Variants in RAD9B observed in about 807,000 individuals in gnomAD.
RAD9B encodes the protein RAD9 checkpoint clamp component B.
A neutral mutation model predicts 48.3 loss-of-function variants in RAD9B; 41 were observed. The ratio of observed to expected loss-of-function variants is 0.85; its 90% CI spans 0.66 to 1.10. The LOEUF (loss-of-function observed/expected upper bound fraction) is 1.10. Ranked by LOEUF, RAD9B falls within the 50% of genes least tolerant of loss-of-function variation. The pLI is 0.00. For missense variants in RAD9B, 444 were observed against 485.1 expected, an observed-to-expected ratio of 0.92 and a Z score of 0.80; for synonymous variants, 160 against 157.9, an observed-to-expected ratio of 1.01 and a Z score of -0.10.
intron 6 of RAD9B, among the ~76,000 whole-genome samples, chr12:110,518,300 C>T (rs2063672076): frequency 6.6e-6 from 1 of 150,910 alleles, no homozygotes; most frequent in African/African-American, 2.4e-5. Context: ...GAGGTCAAGG[C>T]TGCAGTGAGC....
intron 10 of RAD9B, among the ~76,000 whole-genome samples, chr12:110,526,714 C>T (rs2063949039): frequency 6.6e-6 from 1 of 151,910 alleles, no homozygotes. Context: ...TCAAGACCAT[C>T]CTAGCTAACA....
intron 10 of RAD9B, among the ~76,000 whole-genome samples, chr12:110,524,087 A>G (rs1468583678): frequency 6.6e-6 from 1 of 152,200 alleles, no homozygotes; most frequent in Non-Finnish European, 1.5e-5. Flanking sequence ...CCCTGGCTCT[A>G]GAGTTCAAAT....
chr12:110,514,328 A>G (rs2135690321), intron 5 of RAD9B, among the ~76,000 whole-genome samples: 1 of 152,308 alleles, frequency 6.6e-6, no homozygotes, highest in East Asian at 1.9e-4. Context: ...AGAATTTATA[A>G]TACAATAATA....
chr12:110,526,475 A>G (rs1374270689), intron 10 of RAD9B, among the ~76,000 whole-genome samples: 1 of 152,240 alleles, frequency 6.6e-6, no homozygotes, highest in Admixed American at 6.5e-5. Context: ...TTCAAGTCTC[A>G]TATAGCACCA....
At chr12:110,527,622 G>A (rs1223924341) in intron 10 of RAD9B, among the ~76,000 whole-genome samples, 2 of 152,188 alleles carry the variant, frequency 1.3e-5, no homozygotes, top group African/African-American at 2.4e-5. Flanking sequence ...ACAGCCATGC[G>A]AGGGATACTA....
At chr12:110,523,083 A>G (rs546417457) in intron 10 of RAD9B, among the ~76,000 whole-genome samples, 2 of 152,326 alleles carry the variant, frequency 1.3e-5, no homozygotes, top group South Asian at 4.1e-4. Context: ...GTTTGGAGAT[A>G]TGAGTTTCTT....
intron 4 of RAD9B, among the ~76,000 whole-genome samples, chr12:110,507,186 A>T (rs2135658596): frequency 6.6e-6 from 1 of 151,872 alleles, no homozygotes; most frequent in South Asian, 2.1e-4. Flanking sequence ...CTTACCTGTC[A>T]CTGTAGAAGT....
intron 4 of RAD9B, chr12:110,511,516 C>G: frequency 2.2e-6 from 1 of 450,038 alleles, no homozygotes; most frequent in Non-Finnish European, 4.5e-6. Context: ...AATGTGGACG[C>G]TAAAAAGTTG....
rs536334143 is a variant in RAD9B, at chr12:110,503,652, G to A, written c.47-154G>A. On this transcript the variant is annotated intron_variant, in intron 1 of 10. Coordinates refer to ENST00000409300, the MANE Select transcript of RAD9B (RefSeq NM_001286535.2). Reference sequence around the variant, plus strand: ...CTATGTGTCTGGCATTTTGCCAAGGGTATTATACTGTATTAAAGTAATGTA... The same window carrying A: ...CTATGTGTCTGGCATTTTGCCAAGGATATTATACTGTATTAAAGTAATGTA... Among the ~76,000 whole-genome samples, 3 of 152,280 alleles carry A rather than the reference G, an allele frequency of 2.0e-5. No individual in the cohort carries two copies. In the East Asian group the frequency reaches 5.8e-4, roughly 29 times the overall value.
intron 2 of RAD9B, among the ~76,000 whole-genome samples, chr12:110,504,655 A>G (rs1362142767): frequency 6.6e-6 from 1 of 151,988 alleles, no homozygotes; most frequent in Non-Finnish European, 1.5e-5. Context: ...ACTCCCTTAT[A>G]TATTGCAACT....
intron 2 of RAD9B, 149 bp downstream of exon 2, chr12:110,504,025 A>G: frequency 1.9e-6 from 1 of 531,478 alleles, no homozygotes; most frequent in Non-Finnish European, 3.3e-6. Context: ...ATACACTTAG[A>G]GCATGGTAAA....
intron 4 of RAD9B, among the ~76,000 whole-genome samples, chr12:110,512,386 C>T (rs951732811): frequency 6.8e-5 from 10 of 146,710 alleles, no homozygotes; most frequent in East Asian, 2.1e-4. Flanking sequence ...TGGCCTCAAG[C>T]GATCCACCTG....
intron 9 of RAD9B, among the ~76,000 whole-genome samples, chr12:110,520,611 C>T (rs1343651111): frequency 7.2e-6 from 1 of 138,322 alleles, no homozygotes; most frequent in Non-Finnish European, 1.5e-5. Flanking sequence ...TAGGGATAGC[C>T]ATTGCTTTCT....
At chr12:110,506,811 A>G in intron 4 of RAD9B, 118 bp downstream of exon 4, 4 of 573,774 alleles carry the variant, frequency 7.0e-6, no homozygotes, top group Non-Finnish European at 9.3e-6. Context: ...GAGTGTGTGT[A>G]GTTAAGTGGT....
In RAD9B at chr12:110,512,891, C is replaced by A; in HGVS notation, c.488+13C>A. ...TGATTCAACCAAGGTAATGAGTTCT[C>A]TGTTGTCAGTTTTTTTCACCTGAAT... On this transcript the variant is annotated intron_variant, in intron 5 of 10. Transcript: ENST00000409300. The A allele has an allele frequency of 7.4e-7, 1 of 1,346,360 alleles. No homozygotes were observed. The highest frequency in any genetic ancestry group is 1.1e-6 in the Non-Finnish European group (1 of 947,150). The allele number at this position is 1,346,360 out of a possible 1,614,324, so 83.4% of individuals were successfully genotyped here.
chr12:110,503,086 CAT>C (rs1225148374), intron 1 of RAD9B: 1 of 152,094 alleles, frequency 6.6e-6, no homozygotes, highest in African/African-American at 2.4e-5. Flanking sequence ...CTCTACTAAA[CAT>C]ACAAAAATTA....
At chr12:110,514,525 AAGG>A (rs1312183489) in intron 5 of RAD9B, among the ~76,000 whole-genome samples, 6 of 152,206 alleles carry the variant, frequency 3.9e-5, no homozygotes, top group African/African-American at 1.4e-4. Context: ...TTTTTGAAAA[AAGG>A]AGCCAGAATA....
intron 6 of RAD9B, among the ~76,000 whole-genome samples, chr12:110,515,385 G>A (rs1168095010): frequency 3.3e-5 from 5 of 152,186 alleles, no homozygotes; most frequent in African/African-American, 1.2e-4. Context: ...ATGGGGCCAG[G>A]TGCTGTGGCT....
At chr12:110,519,443 T>C (rs931816965) in intron 8 of RAD9B, among the ~76,000 whole-genome samples, 2 of 147,272 alleles carry the variant, frequency 1.4e-5, no homozygotes, top group African/African-American at 2.6e-5. Context: ...GTTGTTGTTG[T>C]TGTTGAGATG....
Sources: allele counts gnomAD v4.1 joint callset (sites outside exome capture counted in the v4.1 genomes callset), GRCh38; gene constraint gnomAD v4.1.1; transcripts MANE v1.5; gene names NCBI Gene and HGNC (gene_info 2026-07-23, HGNC 2026-07-21).